NEK11: variants seen among roughly 807,000 people sequenced by gnomAD.
NEK11 encodes NIMA related kinase 11, also known as serine/threonine-protein kinase Nek11.
Under a neutral mutation model 80.7 loss-of-function variants are expected in NEK11, and 72 were observed. The observed-to-expected ratio is 0.89, with a 90% confidence interval of 0.74 to 1.08. The LOEUF (loss-of-function observed/expected upper bound fraction) is 1.08, where lower values mean the gene tolerates loss of function less well. Ranked by LOEUF, NEK11 falls within the 50% of genes least tolerant of loss-of-function variation. NEK11 has a pLI of 0.00. For missense variants in NEK11, 764 were observed against 763.6 expected, an observed-to-expected ratio of 1.00 and a Z score of -0.01; for synonymous variants, 251 against 260.7, an observed-to-expected ratio of 0.96 and a Z score of 0.36.
chr3:131,219,027 G>A (rs2094932703), intron 14 of NEK11, among the ~76,000 whole-genome samples: 1 of 152,100 alleles, frequency 6.6e-6, no homozygotes, highest in Non-Finnish European at 1.5e-5. Context: ...ATTTGACCCA[G>A]CAATCCCATT....
intron 16 of NEK11, among the ~76,000 whole-genome samples, chr3:131,261,337 A>C (rs2095915734): frequency 6.6e-6 from 1 of 152,200 alleles, no homozygotes; most frequent in Admixed American, 6.5e-5. Flanking sequence ...AATCCTCATC[A>C]TTCTATATTT....
intron 4 of NEK11, chr3:131,087,870 C>T (rs2076214289): frequency 6.6e-6 from 1 of 152,078 alleles, no homozygotes; most frequent in South Asian, 2.1e-4. Context: ...TGCTTATAGT[C>T]CTGAAGCCTG....
intron 3 of NEK11, among the ~76,000 whole-genome samples, chr3:131,030,750 C>T (rs575690194): frequency 2.6e-5 from 4 of 152,278 alleles, no homozygotes; most frequent in South Asian, 2.1e-4. Context: ...TGATTATGAT[C>T]GGACCCTCTA....
At chr3:131,252,768 G>A (rs2095733082) in intron 16 of NEK11, among the ~76,000 whole-genome samples, 1 of 152,108 alleles carries the variant, frequency 6.6e-6, no homozygotes, top group African/African-American at 2.4e-5. Context: ...CCTACATGAT[G>A]CTGATGCTCT....
chr3:131,102,480 A>G (rs1160839752), intron 4 of NEK11, among the ~76,000 whole-genome samples: 1 of 152,142 alleles, frequency 6.6e-6, no homozygotes, highest in Non-Finnish European at 1.5e-5. Context: ...AATTTCTTTT[A>G]TTTAAGAGTG....
intron 5 of NEK11, among the ~76,000 whole-genome samples, chr3:131,118,244 G>A (rs772243852): frequency 2.6e-5 from 4 of 152,134 alleles, no homozygotes; most frequent in Non-Finnish European, 5.9e-5. Context: ...TGTGGTTTTT[G>A]TCTTTGGTTC....
At chr3:131,293,142 G>A (rs2096560699) in intron 17 of NEK11, among the ~76,000 whole-genome samples, 3 of 152,070 alleles carry the variant, frequency 2.0e-5, no homozygotes, top group African/African-American at 7.2e-5. Context: ...TGTGGTGAGA[G>A]AGAACATTTT....
chr3:131,168,346 T>TA (rs910356401), intron 12 of NEK11, among the ~76,000 whole-genome samples: 1 of 151,408 alleles, frequency 6.6e-6, no homozygotes, highest in African/African-American at 2.4e-5. Flanking sequence ...TCTTTTTTTT[T>TA]TTTTATTTTT....
At chr3:131,096,018 AAAAGACTTAT>A (rs1469939784) in intron 4 of NEK11, among the ~76,000 whole-genome samples, 2 of 152,202 alleles carry the variant, frequency 1.3e-5, no homozygotes, top group African/African-American at 4.8e-5. Flanking sequence ...TTGAGTGATC[AAAAGACTTAT>A]AAAGACCACA....
intron 17 of NEK11, among the ~76,000 whole-genome samples, chr3:131,313,751 A>C (rs1178632994): frequency 6.6e-6 from 1 of 152,170 alleles, no homozygotes; most frequent in Non-Finnish European, 1.5e-5. Context: ...AATCTTAGGA[A>C]TTTTCAAGAA....
chr3:131,262,659 G>T (rs1031592634), intron 16 of NEK11, among the ~76,000 whole-genome samples: 1 of 152,076 alleles, frequency 6.6e-6, no homozygotes, highest in South Asian at 2.1e-4. Context: ...TTTAATAAAG[G>T]CAAAATTAGG....
chr3:131,117,232 A>G (rs1005308363), intron 5 of NEK11, among the ~76,000 whole-genome samples: 6 of 152,306 alleles, frequency 3.9e-5, no homozygotes, highest in Non-Finnish European at 7.3e-5. Flanking sequence ...TTAAAGAGGG[A>G]ATCCTTTCCC....
At chr3:131,285,215 T>C (rs572425636) in intron 17 of NEK11, among the ~76,000 whole-genome samples, 3 of 152,300 alleles carry the variant, frequency 2.0e-5, no homozygotes, top group African/African-American at 7.2e-5. Context: ...ATGATTTTCA[T>C]GTGGAAAGGT....
intron 5 of NEK11, among the ~76,000 whole-genome samples, chr3:131,122,534 G>A (rs1053473588): frequency 1.3e-5 from 2 of 152,248 alleles, no homozygotes; most frequent in African/African-American, 4.8e-5. Context: ...GGGCCACATG[G>A]CAAAGACCAG....
chr3:131,034,881 A>G (rs1286479285), intron 3 of NEK11, among the ~76,000 whole-genome samples: 1 of 151,910 alleles, frequency 6.6e-6, no homozygotes, highest in Non-Finnish European at 1.5e-5. Flanking sequence ...TGGAGTGGCT[A>G]CTCCCTTTCC....
chr3:131,202,317 G>A (rs1580083766), intron 14 of NEK11, among the ~76,000 whole-genome samples: 2 of 152,096 alleles, frequency 1.3e-5, no homozygotes, highest in African/African-American at 4.8e-5. Flanking sequence ...AAGTGCATGG[G>A]GTCAGAGGAT....
At chr3:131,229,835 A>G (rs1448311802) in intron 15 of NEK11, among the ~76,000 whole-genome samples, 3 of 152,106 alleles carry the variant, frequency 2.0e-5, no homozygotes, top group Admixed American at 1.3e-4. Context: ...TAGGAGACAA[A>G]TACATGAAGA....
chr3:131,279,176 G>A (rs1247520069), intron 17 of NEK11, among the ~76,000 whole-genome samples: 2 of 151,714 alleles, frequency 1.3e-5, no homozygotes, highest in African/African-American at 4.8e-5. Flanking sequence ...TTTGAGACCA[G>A]CCTAAATTAC....
intron 9 of NEK11, among the ~76,000 whole-genome samples, chr3:131,153,301 A>C (rs942765531): frequency 8.5e-5 from 13 of 152,226 alleles, no homozygotes; most frequent in Non-Finnish European, 1.5e-4. Flanking sequence ...CAAGGACAAG[A>C]ATATGCTAAC....
Sources: allele counts gnomAD v4.1 joint callset (sites outside exome capture counted in the v4.1 genomes callset), GRCh38; gene constraint gnomAD v4.1.1; transcripts MANE v1.5; gene names NCBI Gene and HGNC (gene_info 2026-07-23, HGNC 2026-07-21).